Variants in PEBP4 observed in about 807,000 individuals in gnomAD.
PEBP4 encodes phosphatidylethanolamine binding protein 4, also known as phosphatidylethanolamine-binding protein 4.
Under a neutral mutation model 23.9 loss-of-function variants are expected in PEBP4, and 22 were observed. The ratio of observed to expected loss-of-function variants is 0.92; its 90% confidence interval spans 0.66 to 1.31. PEBP4 has a LOEUF of 1.31. Among genes scored for constraint, PEBP4 ranks in the 40% most tolerant of loss-of-function variants. The pLI is 0.00. For synonymous variants in PEBP4, 112 were observed against 99.3 expected, an observed-to-expected ratio of 1.13 and a Z score of -0.76; for missense variants, 324 against 281.7, an observed-to-expected ratio of 1.15 and a Z score of -1.07.
chr8:22,938,718 T>C (rs73672943), intron 1 of PEBP4, among the ~76,000 whole-genome samples: 4,278 of 152,140 alleles, frequency 0.028, 191 homozygotes, highest in African/African-American at 0.098. Context: ...ATTATAGATG[T>C]GGGTCTCACT....
intron 3 of PEBP4, among the ~76,000 whole-genome samples, chr8:22,871,257 T>C (rs532320151): frequency 2.0e-5 from 3 of 152,136 alleles, no homozygotes; most frequent in African/African-American, 2.4e-5. Flanking sequence ...AGCAGTTCTG[T>C]CCTAAGGACA....
At chr8:22,750,920 TA>T (rs1342512268) in intron 4 of PEBP4, among the ~76,000 whole-genome samples, 1 of 152,056 alleles carries the variant, frequency 6.6e-6, no homozygotes, top group Non-Finnish European at 1.5e-5. Flanking sequence ...GATGCATGGA[TA>T]GGGGGAGAGA....
chr8:22,827,485 G>A (rs1038053624), intron 3 of PEBP4, among the ~76,000 whole-genome samples: 4 of 152,086 alleles, frequency 2.6e-5, no homozygotes, highest in African/African-American at 9.7e-5. Flanking sequence ...TATAAATGGA[G>A]TCATAATACT....
At chr8:22,818,945 A>G (rs1269105981) in intron 3 of PEBP4, among the ~76,000 whole-genome samples, 1 of 152,172 alleles carries the variant, frequency 6.6e-6, no homozygotes, top group Non-Finnish European at 1.5e-5. Flanking sequence ...GGGCCATTAA[A>G]TGGTACAAAT....
chr8:22,714,218 A>G (rs552711834), intron 6 of PEBP4, among the ~76,000 whole-genome samples: 2 of 152,178 alleles, frequency 1.3e-5, no homozygotes, highest in East Asian at 3.9e-4. Flanking sequence ...AAGTGTGTAC[A>G]GGGAGGCGCA....
chr8:22,817,544 A>T, intron 4 of PEBP4, 93 bp downstream of exon 4: 1 of 1,233,428 alleles, frequency 8.1e-7, no homozygotes, highest in Non-Finnish European at 1.2e-6. Flanking sequence ...TCCTCGCTCC[A>T]ACCTTCCTGG....
At chr8:22,739,064 C>G (rs915834558) in intron 4 of PEBP4, among the ~76,000 whole-genome samples, 1 of 152,134 alleles carries the variant, frequency 6.6e-6, no homozygotes, top group Admixed American at 6.5e-5. Context: ...CCAGGACAAA[C>G]AGACAACTGA....
chr8:22,926,015 G>A (rs181626582), intron 2 of PEBP4, among the ~76,000 whole-genome samples: 59 of 152,136 alleles, frequency 3.9e-4, no homozygotes, highest in Middle Eastern at 3.4e-3. Flanking sequence ...TTGGTCTGTC[G>A]CCCAGGCTAG....
At chr8:22,880,770 G>C (rs1808236590) in intron 3 of PEBP4, among the ~76,000 whole-genome samples, 1 of 152,218 alleles carries the variant, frequency 6.6e-6, no homozygotes, top group Non-Finnish European at 1.5e-5. Context: ...TGAGGGTGGG[G>C]AGGGACCCAC....
chr8:22,852,941 G>C (rs1807576797), intron 3 of PEBP4, among the ~76,000 whole-genome samples: 1 of 152,180 alleles, frequency 6.6e-6, no homozygotes. Context: ...CTCTAAAAAG[G>C]AACAGGGCAT....
At chr8:22,838,172 G>A (rs559365352) in intron 3 of PEBP4, among the ~76,000 whole-genome samples, 41 of 152,166 alleles carry the variant, frequency 2.7e-4, no homozygotes, top group African/African-American at 9.9e-4. Context: ...AAGTGCTGGG[G>A]TAATACATGT....
intron 1 of PEBP4, among the ~76,000 whole-genome samples, chr8:22,936,741 T>C (rs1809545917): frequency 6.6e-6 from 1 of 152,174 alleles, no homozygotes; most frequent in African/African-American, 2.4e-5. Flanking sequence ...AGTACACCGA[T>C]AGGATTATAC....
chr8:22,808,030 T>A (rs1219351348), intron 4 of PEBP4, among the ~76,000 whole-genome samples: 1 of 151,710 alleles, frequency 6.6e-6, no homozygotes, highest in Non-Finnish European at 1.5e-5. Context: ...CTAATCTTTA[T>A]CCATCCATCC....
At chr8:22,863,203 G>A (rs1807818136) in intron 3 of PEBP4, among the ~76,000 whole-genome samples, 1 of 152,168 alleles carries the variant, frequency 6.6e-6, no homozygotes, top group African/African-American at 2.4e-5. Context: ...TGGAGAATGA[G>A]ATGCAGAAAG....
At chr8:22,919,662 C>A (rs999605843) in intron 3 of PEBP4, among the ~76,000 whole-genome samples, 1 of 152,208 alleles carries the variant, frequency 6.6e-6, no homozygotes. Context: ...AAAAGAAGAG[C>A]GTGTCTCATG....
intron 4 of PEBP4, among the ~76,000 whole-genome samples, chr8:22,789,182 A>C (rs1806086682): frequency 6.6e-6 from 1 of 152,196 alleles, no homozygotes; most frequent in Admixed American, 6.5e-5. Context: ...AAAAAATGAA[A>C]CAGAAAGACA....
intron 6 of PEBP4, among the ~76,000 whole-genome samples, chr8:22,717,523 C>T (rs893581119): frequency 6.6e-6 from 1 of 152,176 alleles, no homozygotes; most frequent in Admixed American, 6.5e-5. Context: ...AGGGAGGCTC[C>T]CCCCACCCCA....
At chr8:22,730,257 C>T (rs1251037709) in intron 4 of PEBP4, among the ~76,000 whole-genome samples, 1 of 152,220 alleles carries the variant, frequency 6.6e-6, no homozygotes, top group East Asian at 1.9e-4. Context: ...TTCATGATGG[C>T]CAAGTGCAAC....
At chr8:22,881,273 G>T (rs1364959035) in intron 3 of PEBP4, among the ~76,000 whole-genome samples, 1 of 152,138 alleles carries the variant, frequency 6.6e-6, no homozygotes, top group East Asian at 1.9e-4. Flanking sequence ...GCTCATTTTG[G>T]GGTGCCTCTC....
Sources: allele counts gnomAD v4.1 joint callset (sites outside exome capture counted in the v4.1 genomes callset), GRCh38; gene constraint gnomAD v4.1.1; transcripts MANE v1.5; gene names NCBI Gene and HGNC (gene_info 2026-07-23, HGNC 2026-07-21).